SAMD12: variants seen among roughly 807,000 people sequenced by gnomAD.
The protein encoded by SAMD12 is sterile alpha motif domain containing 12, also known as sterile alpha motif domain-containing protein 12.
Under a neutral mutation model 15.0 loss-of-function variants are expected in SAMD12, and 9 were observed. That is an observed-to-expected ratio of 0.60 (90% CI 0.36 to 1.05). The LOEUF is 1.05. Among genes scored for constraint, SAMD12 ranks in the 50% least tolerant of loss-of-function variants. The pLI is 0.01. For missense variants in SAMD12, 230 were observed against 234.2 expected, an observed-to-expected ratio of 0.98 and a Z score of 0.12; for synonymous variants, 86 against 90.1, an observed-to-expected ratio of 0.96 and a Z score of 0.25.
chr8:118,489,944 T>G (rs967280252), intron 2 of SAMD12, among the ~76,000 whole-genome samples: 1 of 152,196 alleles, frequency 6.6e-6, no homozygotes, highest in Non-Finnish European at 1.5e-5. Context: ...GAAGCAGCTC[T>G]GCTCTCCTGA....
At chr8:118,480,624 C>T (rs78215336) in intron 2 of SAMD12, among the ~76,000 whole-genome samples, 4,868 of 152,238 alleles carry the variant, frequency 0.032, 205 homozygotes, top group African/African-American at 0.097. Flanking sequence ...TCCCCCTTCA[C>T]TGACTTGGGC....
intron 4 of SAMD12, among the ~76,000 whole-genome samples, chr8:118,240,795 A>T (rs1812545447): frequency 6.6e-6 from 1 of 152,174 alleles, no homozygotes; most frequent in African/African-American, 2.4e-5. Flanking sequence ...GTCAGAGAAC[A>T]CAGGTCTTGC....
At chr8:118,175,206 C>A in the SAMD12 span, among the ~76,000 whole-genome samples, 1 of 152,138 alleles carries the variant, frequency 6.6e-6, no homozygotes, top group African/African-American at 2.4e-5. Flanking sequence ...ACCATCTGAT[C>A]TTCAACAAAG....
intron 4 of SAMD12, among the ~76,000 whole-genome samples, chr8:118,361,413 G>GTGAA (rs764500644): frequency 6.6e-6 from 1 of 152,168 alleles, no homozygotes; most frequent in Non-Finnish European, 1.5e-5. Context: ...TGTTCAATGA[G>GTGAA]TGAATGAATA....
chr8:118,166,500 A>T, the SAMD12 span, among the ~76,000 whole-genome samples: 4 of 152,304 alleles, frequency 2.6e-5, no homozygotes, highest in African/African-American at 9.6e-5. Context: ...CATTTCCCAT[A>T]TATTGCTCTG....
chr8:118,454,904 T>C (rs1043220504), intron 2 of SAMD12, among the ~76,000 whole-genome samples: 3 of 152,230 alleles, frequency 2.0e-5, no homozygotes, highest in African/African-American at 7.2e-5. Flanking sequence ...TTTTTGTGAC[T>C]GGCTCATTTC....
intron 4 of SAMD12, among the ~76,000 whole-genome samples, chr8:118,276,201 C>T (rs1382246532): frequency 2.0e-5 from 3 of 152,162 alleles, no homozygotes; most frequent in South Asian, 2.1e-4. Flanking sequence ...TTTCTATATG[C>T]TACTAAAAAC....
intron 2 of SAMD12, among the ~76,000 whole-genome samples, chr8:118,481,761 C>CA (rs1200678068): frequency 3.3e-5 from 5 of 151,290 alleles, no homozygotes; most frequent in Non-Finnish European, 7.4e-5. Flanking sequence ...AGCAGGGGCA[C>CA]AAAAAAGAGT....
intron 4 of SAMD12, among the ~76,000 whole-genome samples, chr8:118,236,666 G>T (rs891777028): frequency 6.6e-6 from 1 of 152,322 alleles, no homozygotes; most frequent in Admixed American, 6.5e-5. Context: ...CCTACAAAAG[G>T]CAGCACAAAT....
intron 2 of SAMD12, among the ~76,000 whole-genome samples, chr8:118,557,212 C>G (rs1826561400): frequency 6.6e-6 from 1 of 152,128 alleles, no homozygotes; most frequent in Non-Finnish European, 1.5e-5. Context: ...AGTGAGTTCT[C>G]AAGAGACCTG....
intron 4 of SAMD12, among the ~76,000 whole-genome samples, chr8:118,297,955 C>T (rs965463960): frequency 1.3e-5 from 2 of 152,088 alleles, no homozygotes; most frequent in African/African-American, 4.8e-5. Context: ...TGTGGGAAAG[C>T]CTAAATGCAG....
Position 118,379,432 on chromosome 8 carries a change from A to G in SAMD12, c.591T>C (p.Asn197=). 2 of 1,613,378 alleles carry G rather than the reference A, an allele frequency of 1.2e-6. No homozygotes were observed. Among genetic ancestry groups the G allele is most frequent in the Non-Finnish European group, 1.7e-6 (2 of 1,179,650 alleles). The change falls in exon 4 of 4, where the codon AAT becomes AAC. Residue 197 remains asparagine, a synonymous_variant. Transcript: ENST00000314727. ...GGAAGTAATCTTAAATCTGTATACT[A>G]TTTTCTATGATGGAAATTCTGTGAA... ...LFLHRISIIE[N]SIQI
chr8:118,443,294 T>C (rs944672325), intron 2 of SAMD12, among the ~76,000 whole-genome samples: 2 of 151,978 alleles, frequency 1.3e-5, no homozygotes, highest in African/African-American at 4.8e-5. Flanking sequence ...TGAAACCCCA[T>C]CTCTACTAAA....
intron 3 of SAMD12, among the ~76,000 whole-genome samples, chr8:118,382,561 G>T (rs982331086): frequency 6.6e-6 from 1 of 152,188 alleles, no homozygotes; most frequent in African/African-American, 2.4e-5. Context: ...AGAAAATTCT[G>T]TCAGTTATAA....
intron 1 of SAMD12, among the ~76,000 whole-genome samples, chr8:118,618,683 C>CA (rs1453510274): frequency 6.6e-6 from 1 of 151,640 alleles, no homozygotes; most frequent in African/African-American, 2.4e-5. Context: ...ACTAAAAGTA[C>CA]AAAAAAATCA....
At chr8:118,236,064 C>T (rs912283629) in intron 4 of SAMD12, among the ~76,000 whole-genome samples, 7 of 152,178 alleles carry the variant, frequency 4.6e-5, no homozygotes, top group Non-Finnish European at 1.0e-4. Flanking sequence ...AGCTGACATA[C>T]ATTGTCAAGC....
chr8:118,207,843 T>A (rs1222959682), intron 4 of SAMD12, among the ~76,000 whole-genome samples: 1 of 152,122 alleles, frequency 6.6e-6, no homozygotes, highest in Non-Finnish European at 1.5e-5. Flanking sequence ...AAAATATTTT[T>A]AAAAATCTCC....
At chr8:118,263,578 C>T (rs542086931) in intron 4 of SAMD12, among the ~76,000 whole-genome samples, 30 of 152,078 alleles carry the variant, frequency 2.0e-4, no homozygotes, top group Non-Finnish European at 3.4e-4. Context: ...CCCTAAATGT[C>T]ACTGAAAGAT....
At chr8:118,487,412 T>A (rs1290324545) in intron 2 of SAMD12, among the ~76,000 whole-genome samples, 1 of 152,182 alleles carries the variant, frequency 6.6e-6, no homozygotes, top group Non-Finnish European at 1.5e-5. Flanking sequence ...ACACTGAACG[T>A]ACATCAGATA....
Sources: allele counts gnomAD v4.1 joint callset (sites outside exome capture counted in the v4.1 genomes callset), GRCh38; gene constraint gnomAD v4.1.1; transcripts MANE v1.5; gene names NCBI Gene and HGNC (gene_info 2026-07-23, HGNC 2026-07-21).